KSR2: variants seen among roughly 807,000 people sequenced by gnomAD.
KSR2 encodes kinase suppressor of ras 2.
KSR2 carries 25 observed loss-of-function variants against 107.8 expected under a neutral mutation model. The ratio of observed to expected loss-of-function variants is 0.23; its 90% confidence interval spans 0.17 to 0.32. The LOEUF (loss-of-function observed/expected upper bound fraction) is 0.32. KSR2 is among the 10% of genes least tolerant of loss of function. The pLI, the probability that KSR2 is intolerant of heterozygous loss-of-function variation, is 1.00. For missense variants in KSR2, 887 were observed against 1,268.9 expected (o/e 0.70, Z 4.57); for synonymous variants, 480 against 507.0 (o/e 0.95, Z 0.71).
chr12:117,753,049 AG>A lies in KSR2; in HGVS notation c.986+7961del, dbSNP rs548751638. On this transcript the variant is annotated intron_variant, in intron 4 of 19. Transcript: ENST00000339824. The stretch of plus-strand genomic sequence containing the variant: ...GAATCAGTGCCTGTTTACCTTTCTA[AG>A]TATGGCCACAAAGCCAGAGGGAAAA... 7.9e-5 allele frequency among the ~76,000 whole-genome samples: 12 copies of A among 152,336 alleles called. No homozygotes were observed. In the East Asian group the frequency reaches 2.3e-3, roughly 29 times the overall value.
intron 3 of KSR2, among the ~76,000 whole-genome samples, chr12:117,847,468 G>A (rs1388454344): frequency 6.6e-6 from 1 of 152,156 alleles, no homozygotes; most frequent in African/African-American, 2.4e-5. Context: ...TTGCAGGGGT[G>A]CAAGGGCACC....
intron 1 of KSR2, among the ~76,000 whole-genome samples, chr12:117,954,089 CA>C (rs147681803): frequency 0.089 from 12,518 of 140,698 alleles, 670 homozygotes; most frequent in Middle Eastern, 0.17. Context: ...GACCCTGTCT[CA>C]AAAAAAAAAA....
chr12:117,866,242 C>T (rs772266737), intron 1 of KSR2, among the ~76,000 whole-genome samples: 1 of 151,812 alleles, frequency 6.6e-6, no homozygotes, highest in Non-Finnish European at 1.5e-5. Context: ...TTTGTAGAGA[C>T]GGGCTTTACT....
intron 1 of KSR2, among the ~76,000 whole-genome samples, chr12:117,922,044 C>A (rs1445633624): frequency 2.0e-5 from 3 of 152,104 alleles, no homozygotes; most frequent in Admixed American, 1.3e-4. Context: ...GATGAAGACT[C>A]TAATAGAAGC....
chr12:117,567,956 C>T (rs1018012093), intron 7 of KSR2, among the ~76,000 whole-genome samples: 2 of 152,202 alleles, frequency 1.3e-5, no homozygotes, highest in Non-Finnish European at 2.9e-5. Context: ...TACAGGATAT[C>T]AAAACACCCT....
chr12:117,815,825 AT>A (rs1891346084), intron 3 of KSR2, among the ~76,000 whole-genome samples: 1 of 152,070 alleles, frequency 6.6e-6, no homozygotes, highest in South Asian at 2.1e-4. Context: ...ATATACAAAA[AT>A]TAGCCAGGCA....
At chr12:117,574,328 T>G (rs963722805) in intron 7 of KSR2, among the ~76,000 whole-genome samples, 1 of 152,138 alleles carries the variant, frequency 6.6e-6, no homozygotes, top group Non-Finnish European at 1.5e-5. Context: ...TCTCAAACTT[T>G]AATGTGCAAA....
chr12:117,876,075 C>T (rs1893838037), intron 1 of KSR2, among the ~76,000 whole-genome samples: 2 of 152,144 alleles, frequency 1.3e-5, no homozygotes, highest in South Asian at 2.1e-4. Flanking sequence ...CCTGCAGGAC[C>T]GGGTCCCTGG....
intron 6 of KSR2, among the ~76,000 whole-genome samples, chr12:117,580,637 A>C (rs1473374423): frequency 6.6e-6 from 1 of 152,240 alleles, no homozygotes; most frequent in Non-Finnish European, 1.5e-5. Flanking sequence ...CCCAGGGAGA[A>C]ACATAGGGAG....
At position 117,764,718 on chromosome 12, in the gene KSR2, C is replaced by T. The variant is rs559260632; in HGVS notation, c.473-3194G>A. On this transcript the variant is annotated intron_variant, in intron 3 of 19. Transcript: ENST00000339824. ...TGAGTAAGAGAGTCAACGCTGGAGT[C>T]GGATGACTTGGGCTCCAAATCTGAC... Among the ~76,000 whole-genome samples, 5 of 152,292 alleles carry T rather than the reference C, an allele frequency of 3.3e-5. No homozygotes were observed. In the East Asian group the frequency reaches 5.8e-4, roughly 18 times the overall value.
rs925462230 is a variant in KSR2 at position 117,465,413 on chromosome 12, A to G, written c.*1786T>C. 3 of 152,112 alleles carry G rather than the reference A, an allele frequency of 2.0e-5. No homozygotes were observed. The highest frequency in any genetic ancestry group is 7.2e-5 in the African/African-American group (3 of 41,398). The allele number at this position is 152,112 out of a possible 1,614,324, so 9.4% of individuals were successfully genotyped here. On this transcript the variant is annotated 3_prime_UTR_variant, in exon 20 of 20. Transcript: ENST00000339824. ...AGTCCTCTAGTCCCAGTAAGCTGGG[A>G]GTGTTGGAAAGGCAATTCAGGAGGG...
intron 4 of KSR2, among the ~76,000 whole-genome samples, chr12:117,670,247 A>G (rs188751692): frequency 0.011 from 1,690 of 152,350 alleles, 35 homozygotes; most frequent in African/African-American, 0.038. Context: ...AACAGCAACA[A>G]CAGCCACTGT....
chr12:117,679,726 G>A (rs1191583685), intron 4 of KSR2, among the ~76,000 whole-genome samples: 8 of 152,110 alleles, frequency 5.3e-5, no homozygotes, highest in African/African-American at 1.9e-4. Flanking sequence ...TATGGCTAGG[G>A]CATGGTTCTC....
intron 1 of KSR2, among the ~76,000 whole-genome samples, chr12:117,876,269 C>G (rs1366893878): frequency 6.6e-6 from 1 of 152,218 alleles, no homozygotes; most frequent in African/African-American, 2.4e-5. Context: ...CTCAAGTAAC[C>G]GGCCAATTTG....
intron 7 of KSR2, among the ~76,000 whole-genome samples, chr12:117,570,487 A>G (rs75335300): frequency 0.012 from 1,803 of 152,294 alleles, 32 homozygotes; most frequent in African/African-American, 0.04. Flanking sequence ...GTCTTCCAAG[A>G]AGTTGGCTGA....
At chr12:117,863,692 T>C (rs928666776) in intron 1 of KSR2, among the ~76,000 whole-genome samples, 10 of 152,250 alleles carry the variant, frequency 6.6e-5, no homozygotes, top group Admixed American at 5.9e-4. Flanking sequence ...GATCTCGCAG[T>C]TCTGGAGATC....
intron 1 of KSR2, chr12:117,890,740 A>G (rs1276033130): frequency 6.6e-6 from 1 of 152,158 alleles, no homozygotes; most frequent in Non-Finnish European, 1.5e-5. Flanking sequence ...TTTTCTTCCC[A>G]CTTAGATGCA....
chr12:117,641,919 T>C (rs1274455860), intron 5 of KSR2, among the ~76,000 whole-genome samples: 1 of 152,160 alleles, frequency 6.6e-6, no homozygotes, highest in Non-Finnish European at 1.5e-5. Flanking sequence ...TCTAACATTC[T>C]CTCTCCCCTG....
At chr12:117,658,767 G>A (rs1167486951) in intron 5 of KSR2, among the ~76,000 whole-genome samples, 1 of 152,106 alleles carries the variant, frequency 6.6e-6, no homozygotes, top group Non-Finnish European at 1.5e-5. Flanking sequence ...TTGGGGAGGA[G>A]GGTAAATTTG....
Sources: allele counts gnomAD v4.1 joint callset (sites outside exome capture counted in the v4.1 genomes callset), GRCh38; gene constraint gnomAD v4.1.1; transcripts MANE v1.5; gene names NCBI Gene and HGNC (gene_info 2026-07-23, HGNC 2026-07-21).